The following ZBTB7C variants were observed in gnomAD, a reference collection of about 807,000 sequenced individuals.
ZBTB7C encodes the protein zinc finger and BTB domain-containing protein 7C.
Under a neutral mutation model 25.7 loss-of-function variants are expected in ZBTB7C, and 8 were observed. The ratio of observed to expected loss-of-function variants is 0.31; its 90% confidence interval spans 0.18 to 0.56. ZBTB7C has a LOEUF of 0.56. ZBTB7C is among the 20% of genes least tolerant of loss of function. ZBTB7C has a pLI of 0.91. For synonymous variants in ZBTB7C, 394 were observed against 369.0 expected, an observed-to-expected ratio of 1.07 and a Z score of -0.78; for missense variants, 824 against 855.2, an observed-to-expected ratio of 0.96 and a Z score of 0.46.
At chr18:48,383,919 G>C (rs2047689303) in intron 1 of ZBTB7C, among the ~76,000 whole-genome samples, 1 of 152,218 alleles carries the variant, frequency 6.6e-6, no homozygotes, top group Admixed American at 6.5e-5. Flanking sequence ...CTCGACCTAA[G>C]CATGGGTATT....
At chr18:48,200,275 C>T (rs2042409773) in intron 2 of ZBTB7C, among the ~76,000 whole-genome samples, 1 of 152,138 alleles carries the variant, frequency 6.6e-6, no homozygotes. Flanking sequence ...GTGCCCCTTT[C>T]AGGTTCATAT....
intron 2 of ZBTB7C, among the ~76,000 whole-genome samples, chr18:48,209,415 T>C (rs2042651570): frequency 6.6e-6 from 1 of 152,210 alleles, no homozygotes; most frequent in Admixed American, 6.5e-5. Context: ...TTAGTTGTGC[T>C]AGGAAGACAC....
upstream of ZBTB7C, among the ~76,000 whole-genome samples, chr18:48,410,336 C>A (rs1479549618): frequency 6.6e-6 from 1 of 152,194 alleles, no homozygotes; most frequent in African/African-American, 2.4e-5. Flanking sequence ...CCCCACACGC[C>A]GGGGAGCAGC....
chr18:48,405,124 C>G (rs973367138), intron 1 of ZBTB7C, among the ~76,000 whole-genome samples: 2 of 152,120 alleles, frequency 1.3e-5, no homozygotes, highest in African/African-American at 4.8e-5. Context: ...CCATTCCTCC[C>G]TCCACCAACC....
chr18:48,389,118 T>C (rs2047817924), intron 1 of ZBTB7C, among the ~76,000 whole-genome samples: 1 of 151,904 alleles, frequency 6.6e-6, no homozygotes, highest in African/African-American at 2.4e-5. Flanking sequence ...GGGCTGTGAG[T>C]AGCAGGGTAA....
chr18:48,401,703 G>A (rs2048162764), intron 1 of ZBTB7C, among the ~76,000 whole-genome samples: 1 of 152,082 alleles, frequency 6.6e-6, no homozygotes, highest in African/African-American at 2.4e-5. Flanking sequence ...CCCATCTCTT[G>A]CCATTCCCTG....
intron 2 of ZBTB7C, among the ~76,000 whole-genome samples, chr18:48,290,716 G>A (rs1239032044): frequency 6.6e-6 from 1 of 152,130 alleles, no homozygotes; most frequent in African/African-American, 2.4e-5. Context: ...GCAAGGCCTC[G>A]CCATCTCACT....
intron 2 of ZBTB7C, among the ~76,000 whole-genome samples, chr18:48,211,587 A>G (rs1187678109): frequency 2.6e-5 from 4 of 152,230 alleles, no homozygotes; most frequent in Non-Finnish European, 5.9e-5. Flanking sequence ...AAAAATGTTC[A>G]ACATCAACAT....
At chr18:48,338,760 C>T (rs1268730907) in intron 1 of ZBTB7C, among the ~76,000 whole-genome samples, 3 of 152,212 alleles carry the variant, frequency 2.0e-5, no homozygotes, top group Admixed American at 2.0e-4. Flanking sequence ...CAGAACCTCA[C>T]GCTGTTCCAT....
chr18:48,361,692 C>G (rs1375053355), intron 1 of ZBTB7C, among the ~76,000 whole-genome samples: 1 of 152,210 alleles, frequency 6.6e-6, no homozygotes, highest in African/African-American at 2.4e-5. Context: ...AAAGAAATAT[C>G]AAGCCCAGGC....
chr18:48,322,769 G>A (rs1274305993), intron 2 of ZBTB7C, among the ~76,000 whole-genome samples: 4 of 152,194 alleles, frequency 2.6e-5, no homozygotes. Context: ...AGCACAATTC[G>A]CAATTGCAAA....
intron 2 of ZBTB7C, among the ~76,000 whole-genome samples, chr18:48,192,453 G>A (rs1039803372): frequency 1.3e-4 from 20 of 152,238 alleles, no homozygotes; most frequent in African/African-American, 3.6e-4. Flanking sequence ...CAGTGTAAAC[G>A]GTTGATGATG....
intron 2 of ZBTB7C, among the ~76,000 whole-genome samples, chr18:48,232,139 G>A (rs1437008199): frequency 6.6e-6 from 1 of 152,238 alleles, no homozygotes; most frequent in Admixed American, 6.5e-5. Context: ...GCAAAACTCA[G>A]GCAAAGGCAC....
At chr18:48,102,494 G>A (rs777986784) in intron 3 of ZBTB7C, among the ~76,000 whole-genome samples, 8 of 145,796 alleles carry the variant, frequency 5.5e-5, no homozygotes, top group Non-Finnish European at 8.9e-5. Context: ...GAGCCCACAA[G>A]TTTGAAGTTG....
intron 2 of ZBTB7C, among the ~76,000 whole-genome samples, chr18:48,228,595 G>T (rs1262927810): frequency 6.6e-6 from 1 of 152,054 alleles, no homozygotes; most frequent in Admixed American, 6.5e-5. Context: ...GCAGGAAGAA[G>T]GGCAGTAGTC....
At chr18:48,378,379 A>C (rs2047567975) in intron 1 of ZBTB7C, among the ~76,000 whole-genome samples, 1 of 152,200 alleles carries the variant, frequency 6.6e-6, no homozygotes, top group Non-Finnish European at 1.5e-5. Flanking sequence ...GTCTTCATCC[A>C]CTAGGCACTC....
At chr18:48,243,261 A>AC (rs1164900186) in intron 2 of ZBTB7C, among the ~76,000 whole-genome samples, 2 of 74,348 alleles carry the variant, frequency 2.7e-5, no homozygotes, top group Non-Finnish European at 5.1e-5. Flanking sequence ...AAGACTCTCT[A>AC]CCCCCCCACA....
At chr18:48,072,326 G>A (rs1359172684) in intron 3 of ZBTB7C, 2 of 151,538 alleles carry the variant, frequency 1.3e-5, no homozygotes, top group East Asian at 1.9e-4. Flanking sequence ...GGAGTCAAGG[G>A]TTAAATGAGA....
chr18:48,169,693 T>A (rs951079563), intron 3 of ZBTB7C: 1 of 152,350 alleles, frequency 6.6e-6, no homozygotes, highest in African/African-American at 2.4e-5. Flanking sequence ...AAGTCTCGTG[T>A]TTTCCAGGGA....
Sources: allele counts gnomAD v4.1 joint callset (sites outside exome capture counted in the v4.1 genomes callset), GRCh38; gene constraint gnomAD v4.1.1; transcripts MANE v1.5; gene names NCBI Gene and HGNC (gene_info 2026-07-23, HGNC 2026-07-21).